NELL1: variants seen among roughly 807,000 people sequenced by gnomAD.
The protein encoded by NELL1 is protein kinase C-binding protein NELL1.
In NELL1, 76 loss-of-function variants were observed where a neutral mutation model predicts 107.4. The observed-to-expected ratio is 0.71, with a 90% CI of 0.59 to 0.86. The LOEUF (loss-of-function observed/expected upper bound fraction) is 0.86, where lower values mean the gene tolerates loss of function less well. NELL1 is among the 40% of genes least tolerant of loss of function. The pLI, the probability that NELL1 is intolerant of heterozygous loss-of-function variation, is 0.00. For missense variants in NELL1, 1,024 were observed against 1,005.5 expected, an observed-to-expected ratio of 1.02 and a Z score of -0.25; for synonymous variants, 353 against 341.2, an observed-to-expected ratio of 1.03 and a Z score of -0.38.
At chr11:20,867,655 T>C (rs894834908) in intron 4 of NELL1, among the ~76,000 whole-genome samples, 1 of 152,186 alleles carries the variant, frequency 6.6e-6, no homozygotes, top group Non-Finnish European at 1.5e-5. Context: ...GAAGGATGCA[T>C]AGTATTTGTG....
chr11:21,064,078 A>T (rs937387057), intron 12 of NELL1, among the ~76,000 whole-genome samples: 1 of 152,130 alleles, frequency 6.6e-6, no homozygotes, highest in African/African-American at 2.4e-5. Flanking sequence ...TAGCCAGTGC[A>T]AAGGGCTGAA....
intron 12 of NELL1, among the ~76,000 whole-genome samples, chr11:20,975,115 TCTC>T (rs1851578313): frequency 6.6e-6 from 1 of 152,158 alleles, no homozygotes; most frequent in African/African-American, 2.4e-5. Context: ...TTCAAGCGAT[TCTC>T]CTGCCTCAGC....
chr11:20,789,391 C>T lies in NELL1; in HGVS notation c.335+5561C>T, dbSNP rs572461843. ...TGTGAGGTTGTGGCTGGACCAGGTA[C>T]ACCTCAAGCAGCTTCCACCAGCACC... On this transcript the variant is annotated intron_variant, in intron 3 of 19. Transcript: ENST00000357134. Among the ~76,000 whole-genome samples, 219 of 152,320 alleles carry T rather than the reference C, an allele frequency of 1.4e-3. 5 individuals carry two copies. Among genetic ancestry groups the T allele is most frequent in the Admixed American group, 0.014 (208 of 15,306 alleles).
At position 21,490,457 on chromosome 11, in the gene NELL1, C is replaced by T. The variant is rs370620656; in HGVS notation, c.1646-43917C>T. 8.2e-5 allele frequency among the ~76,000 whole-genome samples: 3 copies of T among 36,532 alleles called. No individual in the cohort carries two copies. In the South Asian group the frequency reaches 4.1e-3, roughly 50 times the overall value. The allele number at this position is 36,532 out of a possible 152,430, so 24.0% of individuals were successfully genotyped here. ...AATCAATTCTAAAATGTGTATGGAA[C>T]CAAAAAAAAAAAAAAAAAAAGCCAG... is the stretch of plus-strand genomic sequence containing the variant. On this transcript the variant is annotated intron_variant, in intron 15 of 19. Transcript: ENST00000357134.
At chr11:20,801,103 C>A (rs1425598278) in intron 3 of NELL1, among the ~76,000 whole-genome samples, 1 of 152,138 alleles carries the variant, frequency 6.6e-6, no homozygotes, top group Non-Finnish European at 1.5e-5. Context: ...CTTCCCATCA[C>A]CATAAGGTCA....
intron 14 of NELL1, among the ~76,000 whole-genome samples, chr11:21,263,361 G>A (rs186809104): frequency 1.1e-4 from 17 of 152,036 alleles, no homozygotes; most frequent in Admixed American, 7.2e-4. Flanking sequence ...GTGGGGTAAC[G>A]GCGAGCCATT....
chr11:21,011,278 CT>C (rs1424935354), intron 12 of NELL1, among the ~76,000 whole-genome samples: 1 of 152,110 alleles, frequency 6.6e-6, no homozygotes, highest in African/African-American at 2.4e-5. Context: ...TGACAAGTCC[CT>C]TTCTTCCTGT....
intron 15 of NELL1, among the ~76,000 whole-genome samples, chr11:21,416,644 G>A (rs1852526530): frequency 6.6e-6 from 1 of 151,948 alleles, no homozygotes; most frequent in African/African-American, 2.4e-5. Flanking sequence ...ATTTTTAAAG[G>A]ATTTCCAACC....
At chr11:21,150,648 T>A (rs1856094119) in intron 13 of NELL1, among the ~76,000 whole-genome samples, 1 of 152,194 alleles carries the variant, frequency 6.6e-6, no homozygotes, top group South Asian at 2.1e-4. Context: ...CAATCTTGTC[T>A]GTACATTTGA....
chr11:21,316,973 T>C (rs1370319144), intron 14 of NELL1, among the ~76,000 whole-genome samples: 1 of 152,192 alleles, frequency 6.6e-6, no homozygotes, highest in Non-Finnish European at 1.5e-5. Flanking sequence ...GGTATGATTA[T>C]GATCATAATG....
intron 12 of NELL1, among the ~76,000 whole-genome samples, chr11:20,962,517 C>A (rs1311324503): frequency 1.3e-5 from 2 of 152,214 alleles, no homozygotes; most frequent in Non-Finnish European, 2.9e-5. Context: ...CCTGACCCCA[C>A]TTCTCTATTG....
intron 9 of NELL1, among the ~76,000 whole-genome samples, chr11:20,936,412 A>G (rs1850725920): frequency 6.6e-6 from 1 of 152,200 alleles, no homozygotes; most frequent in Non-Finnish European, 1.5e-5. Context: ...ACTACAGGGT[A>G]TGACGTTAAC....
At chr11:21,407,766 T>C (rs967541967) in intron 15 of NELL1, among the ~76,000 whole-genome samples, 4 of 151,438 alleles carry the variant, frequency 2.6e-5, no homozygotes, top group African/African-American at 9.7e-5. Flanking sequence ...ACAAAGTTAC[T>C]AATTATTTCT....
chr11:21,352,155 T>C (rs756595028), intron 14 of NELL1, among the ~76,000 whole-genome samples: 4 of 152,268 alleles, frequency 2.6e-5, no homozygotes, highest in East Asian at 1.9e-4. Flanking sequence ...TGTCAGTTTA[T>C]TAGGCCTTTT....
chr11:21,548,184 G>A (rs915148058), intron 16 of NELL1, among the ~76,000 whole-genome samples: 1 of 151,850 alleles, frequency 6.6e-6, no homozygotes, highest in African/African-American at 2.4e-5. Flanking sequence ...GCATTATGGG[G>A]TAAATGGCAA....
At chr11:21,513,428 T>G (rs57431172) in intron 15 of NELL1, among the ~76,000 whole-genome samples, 1 of 152,232 alleles carries the variant, frequency 6.6e-6, no homozygotes, top group South Asian at 2.1e-4. Context: ...TGGCTTGATA[T>G]CAGAAAAAAA....
At chr11:21,075,214 G>A (rs748798447) in intron 12 of NELL1, among the ~76,000 whole-genome samples, 10 of 152,068 alleles carry the variant, frequency 6.6e-5, no homozygotes, top group Non-Finnish European at 1.2e-4. Flanking sequence ...CCTGAATATC[G>A]GAATTTAGTA....
intron 15 of NELL1, among the ~76,000 whole-genome samples, chr11:21,407,689 A>ATTACCTT (rs2133805942): frequency 1.4e-5 from 2 of 140,052 alleles, no homozygotes; most frequent in African/African-American, 5.1e-5. Flanking sequence ...ATCTCTCCAA[A>ATTACCTT]TTACCTTTTT....
chr11:21,006,138 A>G (rs72939968), intron 12 of NELL1, among the ~76,000 whole-genome samples: 16,133 of 152,074 alleles, frequency 0.11, 983 homozygotes, highest in Middle Eastern at 0.17. Context: ...TGGGTCTGCT[A>G]TGATTTGAAT....
Sources: allele counts gnomAD v4.1 joint callset (sites outside exome capture counted in the v4.1 genomes callset), GRCh38; gene constraint gnomAD v4.1.1; transcripts MANE v1.5; gene names NCBI Gene and HGNC (gene_info 2026-07-23, HGNC 2026-07-21).